TOP1: variants seen among roughly 807,000 people sequenced by gnomAD.
TOP1 encodes DNA topoisomerase 1.
A neutral mutation model predicts 111.1 loss-of-function variants in TOP1; 10 were observed. That is an observed-to-expected ratio of 0.09 (90% CI 0.06 to 0.15). The LOEUF (loss-of-function observed/expected upper bound fraction) is 0.15. Among genes scored for constraint, TOP1 ranks in the 10% least tolerant of loss-of-function variants. The pLI is 1.00. For synonymous variants in TOP1, 271 were observed against 302.9 expected (o/e 0.89, Z 1.10); for missense variants, 474 against 926.7 (o/e 0.51, Z 6.34).
intron 2 of TOP1, among the ~76,000 whole-genome samples, chr20:41,041,564 G>T (rs1471765370): frequency 6.6e-6 from 1 of 152,038 alleles, no homozygotes; most frequent in Non-Finnish European, 1.5e-5. Context: ...TGAAGATCAA[G>T]TGGGAGACTT....
intron 9 of TOP1, among the ~76,000 whole-genome samples, chr20:41,096,085 T>G (rs753274205): frequency 6.6e-6 from 1 of 152,284 alleles, no homozygotes; most frequent in East Asian, 1.9e-4. Context: ...TTTTGTTTAT[T>G]TGAGACAGTC....
rs753416722 is a variant in TOP1, at chr20:41,029,025, C to T, written c.-43C>T. On this transcript the variant is annotated 5_prime_UTR_variant, in exon 1 of 21. Coordinates refer to ENST00000361337, the MANE Select transcript of TOP1 (RefSeq NM_003286.4). The surrounding 1 kb of genome is among the most constrained non-coding windows in gnomAD (Gnocchi z 6.1). Reference sequence around the variant, plus strand: ...GCCGGTTCGCCGTCTGCGTCTCCCCCACGCCGCCTCGCCTGCCGCCGCGCT... The same window carrying T: ...GCCGGTTCGCCGTCTGCGTCTCCCCTACGCCGCCTCGCCTGCCGCCGCGCT... The T allele has an allele frequency of 1.2e-5, 18 of 1,533,416 alleles. No individual in the cohort carries two copies. Among genetic ancestry groups the T allele is most frequent in the Admixed American group, 1.9e-5 (1 of 52,570 alleles). 95.0% of individuals were successfully genotyped at this position (1,533,416 alleles called of 1,614,324 possible).
At chr20:41,068,658 G>T (rs2033635969) in intron 3 of TOP1, among the ~76,000 whole-genome samples, 2 of 152,194 alleles carry the variant, frequency 1.3e-5, no homozygotes. Flanking sequence ...GCATCCCATA[G>T]TGTTGGGGTT....
In TOP1 at chr20:41,029,880, C is replaced by A; in HGVS notation, c.58+425C>A. The A allele has an allele frequency of 5.1e-6, 1 of 197,240 alleles. No individual in the cohort carries two copies. Among genetic ancestry groups the A allele is most frequent in the Admixed American group, 6.2e-5 (1 of 16,048 alleles). The allele number at this position is 197,240 out of a possible 1,614,324, so 12.2% of individuals were successfully genotyped here. A position where few individuals can be genotyped will look rare whatever the true frequency, so the allele number is the denominator to read the frequency against. ...GAATGAGCTTTCTGCAGAGCAAAGC[C>A]GTATAAATCACATACTTCACCAGAG... is the stretch of plus-strand genomic sequence containing the variant. On this transcript the variant is annotated intron_variant, in intron 2 of 20. Coordinates refer to ENST00000361337, the MANE Select transcript of TOP1 (RefSeq NM_003286.4). The surrounding 1 kb of genome is among the most constrained non-coding windows in gnomAD (Gnocchi z 6.1).
At chr20:41,052,431 T>A (rs1340927538) in intron 2 of TOP1, among the ~76,000 whole-genome samples, 2 of 152,222 alleles carry the variant, frequency 1.3e-5, no homozygotes, top group African/African-American at 4.8e-5. Flanking sequence ...CTATGGAGAA[T>A]GAACTTTTTA....
At position 41,067,278 on chromosome 20, in the gene TOP1, G is replaced by A. The variant is rs996447214; in HGVS notation, c.155+5788G>A. On this transcript the variant is annotated intron_variant, in intron 3 of 20. Coordinates refer to ENST00000361337, the MANE Select transcript of TOP1 (RefSeq NM_003286.4). This position sits in a 1 kb window ranked among gnomAD's most constrained non-coding sequence, Gnocchi z 4.0. Reference sequence around the variant, plus strand: ...GGGACTTACAGGCGCCTGCCACCACGCCGAGCTAATTTTTGTATTTTTGGT... The same window carrying A: ...GGGACTTACAGGCGCCTGCCACCACACCGAGCTAATTTTTGTATTTTTGGT... Among the ~76,000 whole-genome samples, 3 of 151,702 alleles carry A rather than the reference G, an allele frequency of 2.0e-5. No individual in the cohort carries two copies. Among genetic ancestry groups the A allele is most frequent in the South Asian group, 2.1e-4 (1 of 4,788 alleles).
rs1447460475 is a variant in TOP1 at position 41,034,886 on chromosome 20, T to C, written c.58+5431T>C. 6.6e-6 allele frequency among the ~76,000 whole-genome samples: 1 copy of C among 152,156 alleles called. No homozygotes were observed. The highest frequency in any genetic ancestry group is 1.5e-5 in the Non-Finnish European group (1 of 68,012). ...TAATTTTAACTTCTTTCCTTTACTT[T>C]TTTTTTGGGCGGGGTGGGGGGCAGA... On this transcript the variant is annotated intron_variant, in intron 2 of 20. Coordinates refer to ENST00000361337, the MANE Select transcript of TOP1 (RefSeq NM_003286.4). This position sits in a 1 kb window ranked among gnomAD's most constrained non-coding sequence, Gnocchi z 4.0.
Position 41,032,694 on chromosome 20 carries a change from T to C in TOP1, c.58+3239T>C, listed in dbSNP as rs1365074739. On this transcript the variant is annotated intron_variant, in intron 2 of 20. Coordinates refer to ENST00000361337, the MANE Select transcript of TOP1 (RefSeq NM_003286.4). This position sits in a 1 kb window ranked among gnomAD's most constrained non-coding sequence, Gnocchi z 4.3. ...TATAGGATCATGGTTTGACATCATC[T>C]TGTGCTGATTCTGGTTGGCTTAATG... 6.6e-6 allele frequency among the ~76,000 whole-genome samples: 1 copy of C among 152,228 alleles called. No homozygotes were observed. The highest frequency in any genetic ancestry group is 1.5e-5 in the Non-Finnish European group (1 of 68,038).
chr20:41,092,649 T>C lies in TOP1; in HGVS notation c.730+62T>C, dbSNP rs770132569. The C allele has an allele frequency of 3.7e-6, 3 of 804,440 alleles. No homozygotes were observed. Among genetic ancestry groups the C allele is most frequent in the Non-Finnish European group, 6.0e-6 (3 of 496,836 alleles). 49.8% of individuals were successfully genotyped at this position (804,440 alleles called of 1,614,324 possible). ...AAAGAAATCTGCTTCTATTTAGGGATAGAAAACAAGGAAGGATCCTATGTA... is the reference window on the plus strand; with the variant it reads ...AAAGAAATCTGCTTCTATTTAGGGACAGAAAACAAGGAAGGATCCTATGTA... On this transcript the variant is annotated intron_variant, in intron 9 of 20. Transcript: ENST00000361337. This position sits in a 1 kb window ranked among gnomAD's most constrained non-coding sequence, Gnocchi z 4.3.
At chr20:41,108,941 C>G (rs528476390) in intron 13 of TOP1, among the ~76,000 whole-genome samples, 1 of 152,298 alleles carries the variant, frequency 6.6e-6, no homozygotes, top group South Asian at 2.1e-4. Context: ...TTTTTCAAAC[C>G]AGCCTTAACC....
Position 41,084,190 on chromosome 20 carries a change from T to TA in TOP1, c.508-260dup, listed in dbSNP as rs879617493. Among the ~76,000 whole-genome samples, 775 of 145,890 alleles carry TA rather than the reference T, an allele frequency of 5.3e-3. 6 individuals carry two copies. The highest frequency in any genetic ancestry group is 6.3e-3 in the Non-Finnish European group (418 of 65,886). ...GTACTTTTCCAAACTCCTTTGAGGT[T>TA]AAAAAAAAAAAAGTTTCCCAGTCTC... On this transcript the variant is annotated intron_variant, in intron 7 of 20. Transcript: ENST00000361337.
intron 3 of TOP1, among the ~76,000 whole-genome samples, chr20:41,064,864 TG>T (rs2033588276): frequency 1.3e-5 from 2 of 152,084 alleles, no homozygotes; most frequent in Non-Finnish European, 2.9e-5. Context: ...GGATCTTTTT[TG>T]TTTTTTCTGG....
chr20:41,120,114 T>G (rs774650126), intron 18 of TOP1, among the ~76,000 whole-genome samples: 1 of 152,230 alleles, frequency 6.6e-6, no homozygotes, highest in Admixed American at 6.5e-5. Flanking sequence ...GAGTCTTTGA[T>G]GCTTTGAGAG....
At chr20:41,107,565 T>C (rs760686494) in intron 13 of TOP1, among the ~76,000 whole-genome samples, 3 of 152,196 alleles carry the variant, frequency 2.0e-5, no homozygotes, top group Non-Finnish European at 4.4e-5. Context: ...TTATATCTGA[T>C]TTTGTTTCAT....
rs2034045250 is a variant in TOP1 at position 41,100,440 on chromosome 20, A to AC, written c.1163+202dup. Among the ~76,000 whole-genome samples the AC allele has an allele frequency of 6.6e-6, 1 of 151,608 alleles. No homozygotes were observed. The highest frequency in any genetic ancestry group is 2.1e-4 in the South Asian group (1 of 4,798). On this transcript the variant is annotated intron_variant, in intron 12 of 20. Transcript: ENST00000361337. The surrounding 1 kb of genome is among the most constrained non-coding windows in gnomAD (Gnocchi z 4.4). ...TCATCCACAGGGGATATGTTCCAAG[A>AC]CCCCCAGTGGATGCCTGCAACTTCG...
chr20:41,065,119 G>A lies in TOP1; in HGVS notation c.155+3629G>A, dbSNP rs141598112. Among the ~76,000 whole-genome samples the A allele has an allele frequency of 7.9e-3, 1,209 of 152,206 alleles. 15 individuals carry two copies. Among genetic ancestry groups the A allele is most frequent in the African/African-American group, 0.028 (1,144 of 41,510 alleles). ...AGGGTTTCACCATGTTGACTAGGCT[G>A]GTCTCAAACTCCTGACCTCAAGTGA... On this transcript the variant is annotated intron_variant, in intron 3 of 20. Coordinates refer to ENST00000361337, the MANE Select transcript of TOP1 (RefSeq NM_003286.4).
chr20:41,087,094 C>G (rs1428342740), intron 8 of TOP1, among the ~76,000 whole-genome samples: 1 of 152,194 alleles, frequency 6.6e-6, no homozygotes, highest in Admixed American at 6.5e-5. Context: ...TTTCTTCCCT[C>G]GTAAGTCCGC....
chr20:41,076,372 A>C, intron 4 of TOP1, 78 bp downstream of exon 4: 2 of 1,511,954 alleles, frequency 1.3e-6, no homozygotes, highest in South Asian at 1.3e-5. Context: ...TCTTAATTGC[A>C]TAGTAAGATC....
intron 2 of TOP1, among the ~76,000 whole-genome samples, chr20:41,041,437 CAA>C (rs780663951): frequency 0.011 from 999 of 88,958 alleles, 5 homozygotes; most frequent in African/African-American, 0.038. Flanking sequence ...GACCCTGTCT[CAA>C]AAAAAAAAAA....
Sources: gnomAD v4.1 joint callset for allele counts (sites outside exome capture counted in the v4.1 genomes callset) on GRCh38, gnomAD v4.1.1 for gene constraint, Gnocchi (gnomAD v3.1) non-coding constraint, MANE v1.5 for transcripts, NCBI Gene and HGNC (gene_info 2026-07-23, HGNC 2026-07-21) for gene names.